The following HNRNPUL1 variants were observed in gnomAD, a reference collection of about 807,000 sequenced individuals.
HNRNPUL1 encodes heterogeneous nuclear ribonucleoprotein U-like protein 1.
HNRNPUL1 carries 14 observed loss-of-function variants against 108.5 expected under a neutral mutation model. That is an observed-to-expected ratio of 0.13 (90% confidence interval 0.09 to 0.20). The LOEUF (loss-of-function observed/expected upper bound fraction) is 0.20. Ranked by LOEUF, HNRNPUL1 falls within the 10% of genes least tolerant of loss-of-function variation. The probability of loss-of-function intolerance (pLI) is 1.00; values close to 1 mark genes in which losing one functional copy is unlikely to be tolerated. For missense variants in HNRNPUL1, 804 were observed against 1,168.3 expected, an observed-to-expected ratio of 0.69 and a Z score of 4.55; for synonymous variants, 422 against 445.2, an observed-to-expected ratio of 0.95 and a Z score of 0.66.
Position 41,302,768 on chromosome 19 carries a change from A to G in HNRNPUL1, c.1791A>G (p.Glu597=). Residue 597 remains glutamate, a synonymous_variant, in exon 12 of 15, where the codon GAA becomes GAG. Coordinates refer to ENST00000392006, the MANE Select transcript of HNRNPUL1 (RefSeq NM_007040.6). The part of the protein sequence containing the change: ...ADKLVRQYNE[E]GRKAGPPPEK... ...AGCTAGTGAGGCAGTACAACGAGGAAGGCCGCAAGGCTGGGCCACCCCCTG... is the reference window on the plus strand; with the variant it reads ...AGCTAGTGAGGCAGTACAACGAGGAGGGCCGCAAGGCTGGGCCACCCCCTG... The G allele has an allele frequency of 6.2e-7, 1 of 1,613,634 alleles. No individual in the cohort carries two copies. The highest frequency in any genetic ancestry group is 8.5e-7 in the Non-Finnish European group (1 of 1,179,590).
intron 1 of HNRNPUL1, chr19:41,265,451 G>T: frequency 7.4e-7 from 1 of 1,345,568 alleles, no homozygotes; most frequent in Non-Finnish European, 9.8e-7. Context: ...GGGGCTGCGG[G>T]AGATTGAACT....
In HNRNPUL1 at chr19:41,301,712, A is replaced by C. The variant is rs761614320; in HGVS notation, c.1687+8A>C. 1 of 1,609,004 alleles carries C rather than the reference A, an allele frequency of 6.2e-7. No homozygotes were observed. The highest frequency in any genetic ancestry group is 8.5e-7 in the Non-Finnish European group (1 of 1,177,492). On this transcript the variant is annotated splice_region_variant and intron_variant, in intron 11 of 14. Coordinates refer to ENST00000392006, the MANE Select transcript of HNRNPUL1 (RefSeq NM_007040.6). Reference sequence around the variant, plus strand: ...CGGTCTTAGAAATGAAAGGTAGGAAATGAGTGCTTCCCAGAGGAACGTCAA... The same window carrying C: ...CGGTCTTAGAAATGAAAGGTAGGAACTGAGTGCTTCCCAGAGGAACGTCAA...
At chr19:41,282,383 T>C (rs573547005) in intron 7 of HNRNPUL1, among the ~76,000 whole-genome samples, 1 of 152,164 alleles carries the variant, frequency 6.6e-6, no homozygotes, top group East Asian at 1.9e-4. Flanking sequence ...GGTTTCTCCA[T>C]GTTGGTCAGG....
At chr19:41,290,724 A>G (rs1052611663) in intron 7 of HNRNPUL1, among the ~76,000 whole-genome samples, 1 of 152,184 alleles carries the variant, frequency 6.6e-6, no homozygotes, top group Admixed American at 6.5e-5. Flanking sequence ...CAAGGCCACA[A>G]GTTAGTAAAT....
At chr19:41,273,383 T>C (rs1170838047) in intron 3 of HNRNPUL1, among the ~76,000 whole-genome samples, 1 of 152,130 alleles carries the variant, frequency 6.6e-6, no homozygotes, top group Non-Finnish European at 1.5e-5. Context: ...TGTTAGATTC[T>C]ACCTTTCTAC....
intron 2 of HNRNPUL1, among the ~76,000 whole-genome samples, chr19:41,269,479 C>CT: frequency 1.7e-5 from 1 of 57,752 alleles, no homozygotes; most frequent in South Asian, 5.4e-4. Context: ...GACCCTGTCA[C>CT]GAAAAAAAAA....
intron 11 of HNRNPUL1, 57 bp downstream of exon 11, chr19:41,301,761 C>G: frequency 2.7e-6 from 4 of 1,461,936 alleles, no homozygotes; most frequent in Non-Finnish European, 2.8e-6. Flanking sequence ...AGAGAAGAAG[C>G]TCTTTACTCA....
rs1276594051 is a variant in HNRNPUL1 at position 41,302,886 on chromosome 19, G to A, written c.1909G>A (p.Gly637Ser). 1.3e-6 allele frequency: 2 copies of A among 1,546,370 alleles called. No homozygotes were observed. Among genetic ancestry groups the A allele is most frequent in the Admixed American group, 2.0e-5 (1 of 50,062 alleles). ...CTATGAAAACCGAGGACCCCCTGGA[G>A]GCAACCGTGGCGGCTTCCAGAACCG... is the stretch of plus-strand genomic sequence containing the variant. ...QRYENRGPPG[G>S]NRGGFQNRGG... The change falls in exon 12 of 15, where the codon GGC becomes AGC. Residue 637 changes from glycine (G) to serine (S), a missense_variant. Physicochemically the swap from Gly to Ser is moderately conservative, Grantham distance 56. Around this residue, in one of 4 missense-constraint regions of HNRNPUL1, gnomAD observed 294 missense variants for 388.3 expected, o/e 0.76. Coordinates refer to ENST00000392006, the MANE Select transcript of HNRNPUL1 (RefSeq NM_007040.6).
chr19:41,267,960 G>C (rs2034958576), intron 1 of HNRNPUL1: 1 of 309,522 alleles, frequency 3.2e-6, no homozygotes. Flanking sequence ...GTACTACTTT[G>C]TAGCCTTCAA....
upstream of HNRNPUL1, chr19:41,264,298 C>G (rs912135569): frequency 2.3e-6 from 1 of 427,672 alleles, no homozygotes; most frequent in Non-Finnish European, 4.0e-6. Flanking sequence ...GCCCGTTGCC[C>G]CACGCACTGA....
chr19:41,305,913 G>T, intron 14 of HNRNPUL1, 46 bp downstream of exon 14: 1 of 1,297,632 alleles, frequency 7.7e-7, no homozygotes, highest in Non-Finnish European at 1.1e-6. Flanking sequence ...ACTTCCATGG[G>T]CCCCTCCTGG....
upstream of HNRNPUL1, chr19:41,262,749 C>G (rs1202645877): frequency 6.6e-6 from 1 of 151,894 alleles, no homozygotes; most frequent in Non-Finnish European, 1.5e-5. Context: ...CAAAGCAGAT[C>G]GGAATTGGGG....
Position 41,264,861 on chromosome 19 carries a change from ACG to A in HNRNPUL1, c.295+66_295+67del, listed in dbSNP as rs1263919247. 17 of 1,347,434 alleles carry A rather than the reference ACG, an allele frequency of 1.3e-5. No individual in the cohort carries two copies. In the East Asian group the frequency reaches 5.1e-4, roughly 41 times the overall value. 83.5% of individuals were successfully genotyped at this position (1,347,434 alleles called of 1,614,324 possible). A position where few individuals can be genotyped will look rare whatever the true frequency, so the allele number is the denominator to read the frequency against. ...CCTGGGCCGAGGAAAGGGCTGTGGG[ACG>A]CGGGAGTCCAGCGCCTGAGGTCGGG... On this transcript the variant is annotated intron_variant, in intron 1 of 14. Coordinates refer to ENST00000392006, the MANE Select transcript of HNRNPUL1 (RefSeq NM_007040.6).
Position 41,291,998 on chromosome 19 carries a change from A to AC in HNRNPUL1, c.1000-247_1000-246insC, listed in dbSNP as rs373645177. ...CTGTCTCAAAAAAAAAAAAAACAAAAAAAAAAAACTCTTGCTTACTTGCTT... is the reference window on the plus strand; with the variant it reads ...CTGTCTCAAAAAAAAAAAAAACAAAACAAAAAAAACTCTTGCTTACTTGCTT... On this transcript the variant is annotated intron_variant, in intron 7 of 14. Coordinates refer to ENST00000392006, the MANE Select transcript of HNRNPUL1 (RefSeq NM_007040.6). 1.2e-4 allele frequency: 61 copies of AC among 511,252 alleles called. No individual in the cohort carries two copies. In the African/African-American group the frequency reaches 1.2e-3, roughly 10 times the overall value. 31.7% of individuals were successfully genotyped at this position (511,252 alleles called of 1,614,324 possible). A position where few individuals can be genotyped will look rare whatever the true frequency, so the allele number is the denominator to read the frequency against.
At position 41,302,728 on chromosome 19, in the gene HNRNPUL1, G is replaced by T; in HGVS notation, c.1751G>T (p.Arg584Leu). The change falls in exon 12 of 15, where the codon CGG becomes CTG. Residue 584 changes from arginine (R) to leucine (L), a missense_variant. Transcript: ENST00000392006. ...GAGGTTCTGTTCATTGAGCTGCAGCGGGAGGAAGCGGACAAGCTAGTGAGG... is the reference window on the plus strand; with the variant it reads ...GAGGTTCTGTTCATTGAGCTGCAGCTGGAGGAAGCGGACAAGCTAGTGAGG... The part of the protein sequence containing the change: ...LDEVLFIELQ[R>L]EEADKLVRQY... The T allele has an allele frequency of 6.2e-7, 1 of 1,614,164 alleles. No individual in the cohort carries two copies. Among genetic ancestry groups the T allele is most frequent in the Non-Finnish European group, 8.5e-7 (1 of 1,180,028 alleles).
rs975391925 is a variant in HNRNPUL1 at position 41,304,843 on chromosome 19, G to A, written c.2262+582G>A. Among the ~76,000 whole-genome samples, 10 of 152,244 alleles carry A rather than the reference G, an allele frequency of 6.6e-5. No individual in the cohort carries two copies. The East Asian group carries it at 7.7e-4, about 12-fold the overall frequency. ...ATTTCCCAAGCACTTTCCTCATGCCGGGCCTGGAATCAGCTGCCAGGAGAC... is the reference window on the plus strand; with the variant it reads ...ATTTCCCAAGCACTTTCCTCATGCCAGGCCTGGAATCAGCTGCCAGGAGAC... On this transcript the variant is annotated intron_variant, in intron 13 of 14. Coordinates refer to ENST00000392006, the MANE Select transcript of HNRNPUL1 (RefSeq NM_007040.6).
intron 4 of HNRNPUL1, among the ~76,000 whole-genome samples, chr19:41,275,840 C>T (rs1008084585): frequency 1.3e-5 from 2 of 152,234 alleles, no homozygotes; most frequent in East Asian, 1.9e-4. Context: ...TGGTGGCTCA[C>T]GCCTGTAATC....
intron 6 of HNRNPUL1, 24 bp downstream of exon 6, chr19:41,279,200 T>A (rs1175042114): frequency 6.7e-7 from 1 of 1,499,822 alleles, no homozygotes; most frequent in Admixed American, 1.7e-5. Context: ...AGCTATGCAG[T>A]CCAGAGAATA....
At chr19:41,270,109 A>C (rs1408861773) in intron 2 of HNRNPUL1, among the ~76,000 whole-genome samples, 1 of 152,098 alleles carries the variant, frequency 6.6e-6, no homozygotes, top group Non-Finnish European at 1.5e-5. Context: ...CAGCCTCCCA[A>C]GTAGCTGAGA....
Sources: allele counts gnomAD v4.1 joint callset (sites outside exome capture counted in the v4.1 genomes callset), GRCh38; gene constraint gnomAD v4.1.1; regional missense constraint gnomAD v4.1.1; transcripts MANE v1.5; gene names NCBI Gene and HGNC (gene_info 2026-07-23, HGNC 2026-07-21).